KCNIP4: variants seen among roughly 807,000 people sequenced by gnomAD.
The protein encoded by KCNIP4 is potassium voltage-gated channel interacting protein 4, also known as Kv channel-interacting protein 4.
KCNIP4 carries 12 observed loss-of-function variants against 34.0 expected under a neutral mutation model. That is an observed-to-expected ratio of 0.35 (90% CI 0.23 to 0.57). KCNIP4 has a LOEUF of 0.57. KCNIP4 is among the 20% of genes least tolerant of loss of function. The pLI is 0.83. For missense variants in KCNIP4, 238 were observed against 311.7 expected, an observed-to-expected ratio of 0.76 and a Z score of 1.78; for synonymous variants, 124 against 102.2, an observed-to-expected ratio of 1.21 and a Z score of -1.29.
intron 1 of KCNIP4, among the ~76,000 whole-genome samples, chr4:21,139,512 C>A (rs1426911378): frequency 1.3e-5 from 2 of 152,126 alleles, no homozygotes; most frequent in African/African-American, 2.4e-5. Flanking sequence ...AGCAGAACAC[C>A]CCCTGTGGCC....
intron 1 of KCNIP4, among the ~76,000 whole-genome samples, chr4:21,007,936 T>G (rs1738715852): frequency 6.6e-6 from 1 of 152,228 alleles, no homozygotes; most frequent in Admixed American, 6.5e-5. Flanking sequence ...GAACAGTTAG[T>G]TTAATTGGAG....
intron 5 of KCNIP4, among the ~76,000 whole-genome samples, chr4:20,741,980 A>G (rs1383345958): frequency 6.6e-6 from 1 of 152,218 alleles, no homozygotes; most frequent in Non-Finnish European, 1.5e-5. Flanking sequence ...AAGAATGGAT[A>G]AATTCCTGGA....
chr4:20,872,510 G>A (rs56817421), intron 2 of KCNIP4, among the ~76,000 whole-genome samples: 2,452 of 152,188 alleles, frequency 0.016, 59 homozygotes, highest in African/African-American at 0.056. Context: ...TAGACCTGGT[G>A]GAGTAGAAAA....
chr4:20,829,453 C>T (rs181297889), intron 3 of KCNIP4, among the ~76,000 whole-genome samples: 16 of 152,056 alleles, frequency 1.1e-4, no homozygotes, highest in African/African-American at 3.1e-4. Flanking sequence ...GTGATCTGCC[C>T]GCCTCAGCCT....
Position 21,008,745 on chromosome 4 carries a change from C to T in KCNIP4, c.62-126036G>A, listed in dbSNP as rs913153266. On this transcript the variant is annotated intron_variant, in intron 1 of 8. Transcript: ENST00000382152. Reference sequence around the variant, plus strand: ...TTCACCGTGTTATCTAGGATGGTCTCGATCTCCTGATCTGGTGATCCGCCC... The same window carrying T: ...TTCACCGTGTTATCTAGGATGGTCTTGATCTCCTGATCTGGTGATCCGCCC... Among the ~76,000 whole-genome samples, 9 of 151,720 alleles carry T rather than the reference C, an allele frequency of 5.9e-5. No homozygotes were observed. In the East Asian group the frequency reaches 1.7e-3, roughly 29 times the overall value.
chr4:21,814,599 T>A (rs1469193072), intron 1 of KCNIP4, among the ~76,000 whole-genome samples: 1 of 152,110 alleles, frequency 6.6e-6, no homozygotes, highest in Non-Finnish European at 1.5e-5. Context: ...TACATCTTTA[T>A]CAGCAGCGTG....
intron 3 of KCNIP4, among the ~76,000 whole-genome samples, chr4:20,812,299 A>G (rs2149434591): frequency 6.6e-6 from 1 of 152,288 alleles, no homozygotes; most frequent in Admixed American, 6.5e-5. Flanking sequence ...GGGCAAAGAG[A>G]AAGAGAGCAG....
At chr4:21,010,953 C>T (rs890412564) in intron 1 of KCNIP4, among the ~76,000 whole-genome samples, 1 of 152,176 alleles carries the variant, frequency 6.6e-6, no homozygotes, top group East Asian at 1.9e-4. Flanking sequence ...CGTTGGATCA[C>T]CCTGTCCTGA....
intron 1 of KCNIP4, among the ~76,000 whole-genome samples, chr4:21,429,323 A>G (rs186934501): frequency 1.7e-4 from 26 of 151,008 alleles, no homozygotes; most frequent in Non-Finnish European, 3.4e-4. Flanking sequence ...TTGATAACTC[A>G]TTTTTTTTTA....
intron 1 of KCNIP4, among the ~76,000 whole-genome samples, chr4:21,116,055 G>A (rs907931543): frequency 3.9e-5 from 6 of 151,996 alleles, no homozygotes; most frequent in South Asian, 2.1e-4. Context: ...TTTTTCCCTC[G>A]CCTTTACACC....
intron 1 of KCNIP4, among the ~76,000 whole-genome samples, chr4:21,764,202 G>A (rs1050956055): frequency 3.9e-5 from 6 of 152,084 alleles, no homozygotes; most frequent in African/African-American, 1.4e-4. Context: ...AGACAATTGC[G>A]TGGAGGATAC....
intron 1 of KCNIP4, among the ~76,000 whole-genome samples, chr4:20,999,300 T>C (rs910570461): frequency 2.0e-5 from 3 of 152,026 alleles, no homozygotes; most frequent in African/African-American, 7.3e-5. Context: ...ACAAAGTTGA[T>C]GAATTAGACA....
intron 1 of KCNIP4, among the ~76,000 whole-genome samples, chr4:21,442,072 T>A (rs114741341): frequency 2.8e-4 from 42 of 152,294 alleles, no homozygotes; most frequent in African/African-American, 9.9e-4. Context: ...TTTCTTTGCT[T>A]TTAGTTTTCA....
At chr4:21,746,025 G>C (rs1716756147) in intron 1 of KCNIP4, among the ~76,000 whole-genome samples, 3 of 152,068 alleles carry the variant, frequency 2.0e-5, no homozygotes, top group Admixed American at 2.0e-4. Context: ...TAGCGGGTTT[G>C]GTTTCTTCAG....
At chr4:21,787,748 A>AT (rs1043541869) in intron 1 of KCNIP4, among the ~76,000 whole-genome samples, 31 of 152,096 alleles carry the variant, frequency 2.0e-4, no homozygotes, top group African/African-American at 7.5e-4. Flanking sequence ...TAAAAACTAA[A>AT]TTTTTTTAAA....
intron 1 of KCNIP4, among the ~76,000 whole-genome samples, chr4:21,259,920 T>TGCGCGC (rs1553848066): frequency 1.3e-5 from 2 of 150,078 alleles, no homozygotes; most frequent in East Asian, 2.0e-4. Flanking sequence ...TGTGTGTGTG[T>TGCGCGC]GCACGTGCGC....
chr4:21,714,537 A>G (rs1461902446), intron 1 of KCNIP4, among the ~76,000 whole-genome samples: 1 of 138,670 alleles, frequency 7.2e-6, no homozygotes, highest in Non-Finnish European at 1.6e-5. Flanking sequence ...AAGAGGAAGA[A>G]AGAGAGGGAG....
At chr4:21,431,677 C>T (rs1175350123) in intron 1 of KCNIP4, among the ~76,000 whole-genome samples, 2 of 151,604 alleles carry the variant, frequency 1.3e-5, no homozygotes, top group Non-Finnish European at 2.9e-5. Flanking sequence ...AATGGGGATA[C>T]CTAAGAAAAT....
intron 3 of KCNIP4, among the ~76,000 whole-genome samples, chr4:20,825,325 T>C (rs1578709241): frequency 6.8e-6 from 1 of 147,132 alleles, no homozygotes; most frequent in Admixed American, 6.8e-5. Context: ...CATTCCTAAC[T>C]ACTTCATAAG....
Sources: gnomAD v4.1 joint callset for allele counts (sites outside exome capture counted in the v4.1 genomes callset) on GRCh38, gnomAD v4.1.1 for gene constraint, MANE v1.5 for transcripts, NCBI Gene and HGNC (gene_info 2026-07-23, HGNC 2026-07-21) for gene names.